Variants in IGF2BP3 observed in about 807,000 individuals in gnomAD.
IGF2BP3 encodes the protein insulin like growth factor 2 mRNA binding protein 3.
IGF2BP3 carries 9 observed loss-of-function variants against 73.8 expected under a neutral mutation model. That is an observed-to-expected ratio of 0.12 (90% CI 0.07 to 0.21). The LOEUF is 0.21. Ranked by LOEUF, IGF2BP3 falls within the 10% of genes least tolerant of loss-of-function variation. The probability of loss-of-function intolerance (pLI) is 1.00; values close to 1 mark genes in which losing one functional copy is unlikely to be tolerated. For synonymous variants in IGF2BP3, 258 were observed against 256.7 expected, an observed-to-expected ratio of 1.01 and a Z score of -0.05; for missense variants, 542 against 714.0, an observed-to-expected ratio of 0.76 and a Z score of 2.75.
intron 10 of IGF2BP3, among the ~76,000 whole-genome samples, chr7:23,319,632 A>T (rs999056989): frequency 6.6e-6 from 1 of 152,156 alleles, no homozygotes; most frequent in African/African-American, 2.4e-5. Context: ...AAGTAAATGA[A>T]ATTCTGGGCT....
intron 3 of IGF2BP3, among the ~76,000 whole-genome samples, chr7:23,375,466 G>A (rs1785688735): frequency 6.6e-6 from 1 of 152,052 alleles, no homozygotes; most frequent in African/African-American, 2.4e-5. Flanking sequence ...TAGGCTTTTC[G>A]CCGCTAAAAC....
At position 23,400,234 on chromosome 7, in the gene IGF2BP3, T is replaced by C. The variant is rs568530384; in HGVS notation, c.285+18542A>G. On this transcript the variant is annotated intron_variant, in intron 3 of 14. Transcript: ENST00000258729. ...CTGATCACAAATAGGCAAATGCATCTAAGATTATCTGATTTCTAATGCAAT... is the reference window on the plus strand; with the variant it reads ...CTGATCACAAATAGGCAAATGCATCCAAGATTATCTGATTTCTAATGCAAT... Among the ~76,000 whole-genome samples, 3 of 152,366 alleles carry C rather than the reference T, an allele frequency of 2.0e-5. No homozygotes were observed. In the South Asian group the frequency reaches 6.2e-4, roughly 32 times the overall value.
At chr7:23,356,285 C>T (rs1785094132) in intron 5 of IGF2BP3, among the ~76,000 whole-genome samples, 1 of 152,084 alleles carries the variant, frequency 6.6e-6, no homozygotes. Context: ...TGGCTGGGTG[C>T]AGGAGCTCAC....
chr7:23,361,446 C>A, intron 5 of IGF2BP3, 88 bp downstream of exon 5: 1 of 1,012,978 alleles, frequency 9.9e-7, no homozygotes, highest in African/African-American at 1.6e-5. Flanking sequence ...TGCCACCTAC[C>A]AGCCCTTCTC....
chr7:23,349,865 G>A (rs1269181891), intron 6 of IGF2BP3, among the ~76,000 whole-genome samples: 1 of 152,188 alleles, frequency 6.6e-6, no homozygotes, highest in Non-Finnish European at 1.5e-5. Context: ...AGAAGGAAGG[G>A]AAGCCATATA....
intron 3 of IGF2BP3, among the ~76,000 whole-genome samples, chr7:23,391,013 A>G (rs1786256860): frequency 2.0e-5 from 3 of 150,168 alleles, no homozygotes; most frequent in African/African-American, 4.9e-5. Context: ...TAGCCAGGGT[A>G]GTCTTGAACC....
chr7:23,460,188 A>AAAAAC (rs1562764863), intron 2 of IGF2BP3, among the ~76,000 whole-genome samples: 2 of 149,828 alleles, frequency 1.3e-5, no homozygotes, highest in Non-Finnish European at 3.0e-5. Flanking sequence ...CAAAAAAAAA[A>AAAAAC]AAAAAAAACA....
chr7:23,320,830 C>G (rs1784117518), intron 10 of IGF2BP3, among the ~76,000 whole-genome samples: 1 of 150,982 alleles, frequency 6.6e-6, no homozygotes, highest in South Asian at 2.1e-4. Context: ...TGCCTGTGGT[C>G]CCAGATACTC....
chr7:23,385,521 G>T (rs550244546), intron 3 of IGF2BP3, among the ~76,000 whole-genome samples: 224 of 152,002 alleles, frequency 1.5e-3, no homozygotes, highest in Middle Eastern at 3.4e-3. Context: ...CAAGAATTCA[G>T]AAGACTGAGG....
chr7:23,312,580 C>A, intron 14 of IGF2BP3, 120 bp from the exon 15 acceptor site: 1 of 909,120 alleles, frequency 1.1e-6, no homozygotes, highest in South Asian at 1.4e-5. Context: ...ACATACTAGT[C>A]AGTTTGCTAG....
In IGF2BP3 at chr7:23,310,789, ATTT is replaced by A. The variant is rs150344233; in HGVS notation, c.*1570_*1572del. 6.6e-6 allele frequency: 1 copy of A among 150,760 alleles called. No homozygotes were observed. The highest frequency in any genetic ancestry group is 1.9e-4 in the East Asian group (1 of 5,142). The allele number at this position is 150,760 out of a possible 1,614,324, so 9.3% of individuals were successfully genotyped here. A position where few individuals can be genotyped will look rare whatever the true frequency, so the allele number is the denominator to read the frequency against. On this transcript the variant is annotated 3_prime_UTR_variant, in exon 15 of 15. Coordinates refer to ENST00000258729, the MANE Select transcript of IGF2BP3 (RefSeq NM_006547.3). ...ATCTTGAAATAAGAATGAGGCAGTG[ATTT>A]TTTTTTTAAAGGGTTATATATATGT...
chr7:23,368,229 G>A (rs998293775), intron 3 of IGF2BP3, among the ~76,000 whole-genome samples: 21 of 151,736 alleles, frequency 1.4e-4, no homozygotes, highest in Admixed American at 5.9e-4. Flanking sequence ...ACCATAAAAG[G>A]GAGGTACTTA....
At chr7:23,460,097 G>A (rs1052231795) in intron 2 of IGF2BP3, among the ~76,000 whole-genome samples, 11 of 126,310 alleles carry the variant, frequency 8.7e-5, no homozygotes, top group Non-Finnish European at 1.7e-4. Flanking sequence ...GCCAGACGAG[G>A]AGGCATGTGC....
At chr7:23,459,307 C>T (rs1007112655) in intron 2 of IGF2BP3, among the ~76,000 whole-genome samples, 2 of 152,122 alleles carry the variant, frequency 1.3e-5, no homozygotes, top group Non-Finnish European at 2.9e-5. Context: ...TACCAAGGAC[C>T]AGATTTTTTT....
intron 3 of IGF2BP3, among the ~76,000 whole-genome samples, chr7:23,364,288 T>C (rs2128508941): frequency 6.6e-6 from 1 of 151,534 alleles, no homozygotes; most frequent in African/African-American, 2.4e-5. Context: ...GCAGGAGAAC[T>C]GCTTGAACCC....
chr7:23,417,359 C>A (rs999777144), intron 3 of IGF2BP3, among the ~76,000 whole-genome samples: 1 of 152,088 alleles, frequency 6.6e-6, no homozygotes, highest in African/African-American at 2.4e-5. Flanking sequence ...CAGAGATAAT[C>A]CACTAACTTG....
chr7:23,334,353 C>T (rs565508252), intron 10 of IGF2BP3, among the ~76,000 whole-genome samples: 56 of 151,968 alleles, frequency 3.7e-4, no homozygotes, highest in Non-Finnish European at 7.1e-4. Flanking sequence ...GAAAAGAAAT[C>T]GAGACTAAAA....
At chr7:23,325,186 C>T (rs1457281671) in intron 10 of IGF2BP3, among the ~76,000 whole-genome samples, 6 of 151,986 alleles carry the variant, frequency 3.9e-5, no homozygotes, top group African/African-American at 1.5e-4. Context: ...TTGTCTCAGC[C>T]CAAAATCTCC....
Position 23,312,828 on chromosome 7 carries a change from C to G in IGF2BP3, c.1548G>C (p.Leu516Phe). Reference sequence around the variant, plus strand: ...GAGGGACAACAACTTCTGCACTTGACAAATTCTGAAGTTCATTCACCTGAA... The same window carrying G: ...GAGGGACAACAACTTCTGCACTTGAGAAATTCTGAAGTTCATTCACCTGAA... The part of the protein sequence containing the change: ...GGKTVNELQN[L>F]SSAEVVVPRD... Residue 516 changes from leucine (L) to phenylalanine (F), a missense_variant, in exon 14 of 15, where the codon TTG becomes TTC. Coordinates refer to ENST00000258729, the MANE Select transcript of IGF2BP3 (RefSeq NM_006547.3). The G allele has an allele frequency of 6.2e-7, 1 of 1,608,628 alleles. No individual in the cohort carries two copies. The highest frequency in any genetic ancestry group is 1.7e-4 in the Middle Eastern group (1 of 6,014).
Sources: allele counts gnomAD v4.1 joint callset (sites outside exome capture counted in the v4.1 genomes callset), GRCh38; gene constraint gnomAD v4.1.1; transcripts MANE v1.5; gene names NCBI Gene and HGNC (gene_info 2026-07-23, HGNC 2026-07-21).